HECW2: variants seen among roughly 807,000 people sequenced by gnomAD.
HECW2 encodes the protein E3 ubiquitin-protein ligase HECW2.
HECW2 carries 61 observed loss-of-function variants against 175.2 expected under a neutral mutation model. The observed-to-expected ratio is 0.35, with a 90% CI of 0.28 to 0.43. The LOEUF (loss-of-function observed/expected upper bound fraction) is 0.43, where lower values mean the gene tolerates loss of function less well. HECW2 is among the 20% of genes least tolerant of loss of function. The pLI is 1.00. For synonymous variants in HECW2, 671 were observed against 731.0 expected, an observed-to-expected ratio of 0.92 and a Z score of 1.32; for missense variants, 1,524 against 2,000.5, an observed-to-expected ratio of 0.76 and a Z score of 4.54.
chr2:196,386,162 C>A (rs1387643521), intron 2 of HECW2, among the ~76,000 whole-genome samples: 1 of 152,196 alleles, frequency 6.6e-6, no homozygotes, highest in Non-Finnish European at 1.5e-5. Flanking sequence ...AAAAAGAAAA[C>A]CACCTGCCCT....
chr2:196,292,872 A>T (rs1444777230), intron 13 of HECW2, 122 bp from the exon 14 acceptor site: 2 of 742,490 alleles, frequency 2.7e-6, no homozygotes, highest in Non-Finnish European at 4.4e-6. Flanking sequence ...AAGCTTTGAC[A>T]GAACTCTAGA....
intron 2 of HECW2, among the ~76,000 whole-genome samples, chr2:196,355,236 C>T (rs1223218601): frequency 1.3e-5 from 2 of 152,220 alleles, no homozygotes; most frequent in Non-Finnish European, 2.9e-5. Flanking sequence ...TTTCCAAAGT[C>T]TCTTTCAAGT....
intron 2 of HECW2, among the ~76,000 whole-genome samples, chr2:196,424,660 C>A (rs1559102493): frequency 6.6e-6 from 1 of 152,056 alleles, no homozygotes; most frequent in Non-Finnish European, 1.5e-5. Flanking sequence ...TAATCCAGAG[C>A]AAGACCCTAA....
In HECW2 at chr2:196,577,914, C is replaced by A. The variant is rs189290610; in HGVS notation, c.-36+15594G>T. On this transcript the variant is annotated intron_variant, in intron 1 of 28. Coordinates refer to ENST00000644978, the MANE Select transcript of HECW2 (RefSeq NM_001348768.2). ...AATACCACATCCTCGAGAGGGAGGA[C>A]AATCTATGTCACATTATCTTACTTG... 5.5e-4 allele frequency among the ~76,000 whole-genome samples: 84 copies of A among 152,220 alleles called. No individual in the cohort carries two copies. In the East Asian group the frequency reaches 6.6e-3, roughly 12 times the overall value.
intron 1 of HECW2, among the ~76,000 whole-genome samples, chr2:196,543,771 C>T (rs1575656692): frequency 6.6e-6 from 1 of 152,128 alleles, no homozygotes; most frequent in Non-Finnish European, 1.5e-5. Flanking sequence ...TGCCACCACG[C>T]CCAGCTAATT....
At chr2:196,274,932 A>G (rs1365597179) in intron 15 of HECW2, among the ~76,000 whole-genome samples, 1 of 152,248 alleles carries the variant, frequency 6.6e-6, no homozygotes, top group African/African-American at 2.4e-5. Flanking sequence ...GAACAGCAGT[A>G]TAAGAGAGAA....
intron 20 of HECW2, among the ~76,000 whole-genome samples, chr2:196,241,463 G>A (rs1050574142): frequency 6.6e-6 from 1 of 152,188 alleles, no homozygotes; most frequent in African/African-American, 2.4e-5. Context: ...AGTGGAGACC[G>A]TCCCTCCTCT....
chr2:196,544,919 G>T (rs548089051), intron 1 of HECW2, among the ~76,000 whole-genome samples: 5 of 152,282 alleles, frequency 3.3e-5, no homozygotes, highest in South Asian at 2.1e-4. Context: ...TTGCTTCTTA[G>T]CCAGGGAAGC....
At chr2:196,352,716 A>T (rs999832727) in intron 2 of HECW2, among the ~76,000 whole-genome samples, 18 of 152,148 alleles carry the variant, frequency 1.2e-4, no homozygotes, top group African/African-American at 4.3e-4. Context: ...AGGCAAAGGG[A>T]GGAGGCTCTG....
chr2:196,467,199 C>G (rs540651330), intron 1 of HECW2, among the ~76,000 whole-genome samples: 10 of 152,338 alleles, frequency 6.6e-5, no homozygotes, highest in African/African-American at 2.4e-4. Context: ...TCTCAAAACT[C>G]TGCATATGCA....
intron 1 of HECW2, among the ~76,000 whole-genome samples, chr2:196,435,861 T>C (rs1343598456): frequency 1.3e-5 from 2 of 152,238 alleles, no homozygotes; most frequent in African/African-American, 4.8e-5. Context: ...TCAAACAGTG[T>C]CTGGCATATA....
intron 1 of HECW2, among the ~76,000 whole-genome samples, chr2:196,510,747 G>A (rs889962753): frequency 1.2e-4 from 18 of 152,096 alleles, no homozygotes; most frequent in Admixed American, 8.5e-4. Context: ...GCCCAGAAGA[G>A]CTTATAGAGA....
At chr2:196,280,063 T>A (rs1690129226) in intron 14 of HECW2, among the ~76,000 whole-genome samples, 1 of 152,198 alleles carries the variant, frequency 6.6e-6, no homozygotes, top group South Asian at 2.1e-4. Flanking sequence ...GTTTTCAAAG[T>A]AAAATTGACT....
chr2:196,239,637 T>C (rs960560728), intron 21 of HECW2: 1 of 149,640 alleles, frequency 6.7e-6, no homozygotes, highest in Non-Finnish European at 1.5e-5. Flanking sequence ...AATCAGACAA[T>C]TGTATGGTAT....
intron 1 of HECW2, among the ~76,000 whole-genome samples, chr2:196,506,117 T>C (rs1405681958): frequency 1.3e-5 from 2 of 152,048 alleles, no homozygotes; most frequent in Admixed American, 1.3e-4. Flanking sequence ...GGGGATGGCA[T>C]AATATGATAT....
At chr2:196,214,339 G>A (rs1219358931) in intron 28 of HECW2, among the ~76,000 whole-genome samples, 4 of 152,164 alleles carry the variant, frequency 2.6e-5, no homozygotes, top group Non-Finnish European at 4.4e-5. Context: ...ATGAACAGTG[G>A]ACATATCTGC....
At chr2:196,473,054 C>T (rs1697278232) in intron 1 of HECW2, among the ~76,000 whole-genome samples, 1 of 152,166 alleles carries the variant, frequency 6.6e-6, no homozygotes, top group Admixed American at 6.5e-5. Context: ...ACCACACTCC[C>T]ATAATAGATA....
chr2:196,334,668 C>A lies in HECW2; in HGVS notation c.401-150G>T, dbSNP rs879146799. ...TCCACTCAGCGCCAACAAATTACAT[C>A]AATTTCTGTTTGATTTTATATGCTC... On this transcript the variant is annotated intron_variant, in intron 3 of 28. Transcript: ENST00000644978. 49 of 639,212 alleles carry A rather than the reference C, an allele frequency of 7.7e-5. No individual in the cohort carries two copies. In the South Asian group the frequency reaches 7.8e-4, roughly 10 times the overall value. 39.6% of individuals were successfully genotyped at this position (639,212 alleles called of 1,614,324 possible). A position where few individuals can be genotyped will look rare whatever the true frequency, so the allele number is the denominator to read the frequency against.
chr2:196,338,687 T>C (rs1235221526), intron 3 of HECW2, among the ~76,000 whole-genome samples: 1 of 152,192 alleles, frequency 6.6e-6, no homozygotes, highest in African/African-American at 2.4e-5. Context: ...CCCAAGTTTC[T>C]AGAAGTTGAA....
Sources: allele counts gnomAD v4.1 joint callset (sites outside exome capture counted in the v4.1 genomes callset), GRCh38; gene constraint gnomAD v4.1.1; transcripts MANE v1.5; gene names NCBI Gene and HGNC (gene_info 2026-07-23, HGNC 2026-07-21).